The following SCHIP1 variants were observed in gnomAD, a reference collection of about 807,000 sequenced individuals.
The protein encoded by SCHIP1 is schwannomin interacting protein 1, also known as schwannomin-interacting protein 1.
In SCHIP1, 8 loss-of-function variants were observed where a neutral mutation model predicts 29.7. The observed-to-expected ratio is 0.27, with a 90% CI of 0.16 to 0.49. SCHIP1 has a LOEUF of 0.49. Ranked by LOEUF, SCHIP1 falls within the 20% of genes least tolerant of loss-of-function variation. SCHIP1 has a pLI of 0.99. For synonymous variants in SCHIP1, 76 were observed against 94.9 expected, an observed-to-expected ratio of 0.80 and a Z score of 1.16; for missense variants, 193 against 294.6, an observed-to-expected ratio of 0.66 and a Z score of 2.52.
chr3:159,485,918 C>T, the SCHIP1 span, among the ~76,000 whole-genome samples: 71 of 152,228 alleles, frequency 4.7e-4, no homozygotes, highest in African/African-American at 1.7e-3. Flanking sequence ...TCTTCCAAAC[C>T]CCACTTACAA....
intron 2 of SCHIP1, among the ~76,000 whole-genome samples, chr3:159,882,895 A>G (rs1716587195): frequency 6.6e-6 from 1 of 152,222 alleles, no homozygotes; most frequent in Non-Finnish European, 1.5e-5. Context: ...GCTCCTGGCC[A>G]GTAGGCACTG....
chr3:159,397,746 A>G, the SCHIP1 span, among the ~76,000 whole-genome samples: 1 of 152,212 alleles, frequency 6.6e-6, no homozygotes, highest in African/African-American at 2.4e-5. Flanking sequence ...GGGACATTTA[A>G]GTCTACAGAG....
chr3:159,348,016 C>T, the SCHIP1 span, among the ~76,000 whole-genome samples: 1 of 152,088 alleles, frequency 6.6e-6, no homozygotes, highest in Admixed American at 6.6e-5. Context: ...TTTCTGACCA[C>T]AAGTTTAAGA....
At chr3:159,754,242 A>C in the SCHIP1 span, among the ~76,000 whole-genome samples, 1 of 152,254 alleles carries the variant, frequency 6.6e-6, no homozygotes, top group Non-Finnish European at 1.5e-5. Flanking sequence ...TGTATCAGTC[A>C]ATTTATAAAC....
the SCHIP1 span, among the ~76,000 whole-genome samples, chr3:159,781,934 A>G: frequency 6.6e-6 from 1 of 152,256 alleles, no homozygotes; most frequent in South Asian, 2.1e-4. Context: ...ATTGTGTGGT[A>G]ATTAATAATA....
chr3:159,723,473 A>C, the SCHIP1 span, among the ~76,000 whole-genome samples: 5 of 152,248 alleles, frequency 3.3e-5, no homozygotes. Context: ...TTTTAGTAAC[A>C]ATCTCACTGC....
the SCHIP1 span, among the ~76,000 whole-genome samples, chr3:159,699,150 G>A: frequency 1.3e-5 from 2 of 152,168 alleles, no homozygotes; most frequent in Non-Finnish European, 2.9e-5. Flanking sequence ...ATGGGAATAT[G>A]CTAACACTCA....
chr3:159,583,089 A>G, the SCHIP1 span, among the ~76,000 whole-genome samples: 129 of 152,280 alleles, frequency 8.5e-4, no homozygotes, highest in African/African-American at 3.0e-3. Flanking sequence ...AACCTCAAGT[A>G]TAGATAATAC....
chr3:159,430,942 G>C, the SCHIP1 span, among the ~76,000 whole-genome samples: 4 of 152,228 alleles, frequency 2.6e-5, no homozygotes, highest in East Asian at 7.8e-4. Context: ...TCCTAGAAAT[G>C]AAGAGGGACT....
At chr3:159,713,356 G>A in the SCHIP1 span, among the ~76,000 whole-genome samples, 742 of 152,218 alleles carry the variant, frequency 4.9e-3, 9 homozygotes, top group Admixed American at 0.022. Context: ...AGTAACAGGA[G>A]GGTAGACTTT....
the SCHIP1 span, among the ~76,000 whole-genome samples, chr3:159,674,504 G>A: frequency 6.8e-6 from 1 of 146,480 alleles, no homozygotes; most frequent in East Asian, 2.1e-4. Flanking sequence ...GTCTTTGAAA[G>A]ATCAAGGTTA....
the SCHIP1 span, among the ~76,000 whole-genome samples, chr3:159,423,160 C>T: frequency 6.6e-6 from 1 of 152,232 alleles, no homozygotes; most frequent in Admixed American, 6.5e-5. Context: ...GCATTTCCAT[C>T]TGAGGTACCG....
the SCHIP1 span, among the ~76,000 whole-genome samples, chr3:159,830,111 A>G: frequency 1.3e-5 from 2 of 152,232 alleles, no homozygotes; most frequent in East Asian, 3.8e-4. Context: ...CTTGTGTGAA[A>G]CAGGATTCTT....
At chr3:159,412,210 C>A in the SCHIP1 span, among the ~76,000 whole-genome samples, 2 of 152,074 alleles carry the variant, frequency 1.3e-5, no homozygotes, top group African/African-American at 4.8e-5. Flanking sequence ...GATTTTGGAC[C>A]CAAAGTCCAT....
chr3:159,357,304 C>T, the SCHIP1 span, among the ~76,000 whole-genome samples: 1 of 152,138 alleles, frequency 6.6e-6, no homozygotes, highest in South Asian at 2.1e-4. Flanking sequence ...TATGGAGACA[C>T]AGAAGAGACT....
At chr3:159,273,252 A>T in the SCHIP1 span, 1 of 985,634 alleles carries the variant, frequency 1.0e-6, no homozygotes, top group Non-Finnish European at 1.2e-6. Context: ...TCAGAAAGAG[A>T]TAATCTGTGA....
chr3:159,491,727 C>G, the SCHIP1 span, among the ~76,000 whole-genome samples: 1 of 152,314 alleles, frequency 6.6e-6, no homozygotes, highest in East Asian at 1.9e-4. Flanking sequence ...CTTAAATGTC[C>G]CTGTCTGACA....
the SCHIP1 span, among the ~76,000 whole-genome samples, chr3:159,326,219 T>C: frequency 6.6e-6 from 1 of 152,146 alleles, no homozygotes; most frequent in Non-Finnish European, 1.5e-5. Flanking sequence ...AATTACCCAT[T>C]CCTTCTTGTG....
chr3:159,563,729 G>A, the SCHIP1 span, among the ~76,000 whole-genome samples: 3 of 152,074 alleles, frequency 2.0e-5, no homozygotes, highest in South Asian at 4.2e-4. Flanking sequence ...TGAGGCTAAG[G>A]CAACAGAATC....
Sources: allele counts gnomAD v4.1 joint callset (sites outside exome capture counted in the v4.1 genomes callset), GRCh38; gene constraint gnomAD v4.1.1; transcripts MANE v1.5; gene names NCBI Gene and HGNC (gene_info 2026-07-23, HGNC 2026-07-21).